Variants in AGBL4 observed in about 807,000 individuals in gnomAD.
AGBL4 encodes cytosolic carboxypeptidase 6.
AGBL4 carries 58 observed loss-of-function variants against 66.4 expected under a neutral mutation model. The ratio of observed to expected loss-of-function variants is 0.87; its 90% CI spans 0.71 to 1.09. AGBL4 has a LOEUF of 1.09. AGBL4 is among the 50% of genes least tolerant of loss of function. AGBL4 has a pLI of 0.00. For synonymous variants in AGBL4, 234 were observed against 222.9 expected (o/e 1.05, Z -0.44); for missense variants, 579 against 631.0 (o/e 0.92, Z 0.88).
At chr1:49,855,294 T>A (rs1456815865) in intron 1 of AGBL4, among the ~76,000 whole-genome samples, 13 of 151,756 alleles carry the variant, frequency 8.6e-5, no homozygotes. Flanking sequence ...AAGAGAGAAA[T>A]AAACCCCAAT....
chr1:49,556,083 T>A (rs948479594), intron 3 of AGBL4, among the ~76,000 whole-genome samples: 5 of 152,224 alleles, frequency 3.3e-5, no homozygotes, highest in African/African-American at 1.2e-4. Context: ...TGCACACGTA[T>A]GTTTATTGCG....
intron 3 of AGBL4, among the ~76,000 whole-genome samples, chr1:49,368,477 C>T (rs1340669765): frequency 3.3e-5 from 5 of 152,074 alleles, no homozygotes; most frequent in Non-Finnish European, 7.4e-5. Flanking sequence ...GAGGAAGTTA[C>T]CATTATCATT....
At chr1:49,551,776 T>G (rs1652976052) in intron 3 of AGBL4, among the ~76,000 whole-genome samples, 1 of 152,240 alleles carries the variant, frequency 6.6e-6, no homozygotes, top group African/African-American at 2.4e-5. Flanking sequence ...GTTGGCCTCC[T>G]GCCGGTAGGT....
chr1:48,985,446 C>G (rs1462337063), intron 5 of AGBL4, among the ~76,000 whole-genome samples: 1 of 151,966 alleles, frequency 6.6e-6, no homozygotes, highest in African/African-American at 2.4e-5. Flanking sequence ...AGGAAAGAAC[C>G]ATTTGAAGGA....
At chr1:49,566,370 G>T (rs1415242150) in intron 3 of AGBL4, among the ~76,000 whole-genome samples, 1 of 152,294 alleles carries the variant, frequency 6.6e-6, no homozygotes, top group Middle Eastern at 3.4e-3. Context: ...GAGGAGGAGA[G>T]GCGCTCTGAT....
At chr1:48,909,590 G>A (rs1458123725) in intron 5 of AGBL4, among the ~76,000 whole-genome samples, 1 of 152,148 alleles carries the variant, frequency 6.6e-6, no homozygotes, top group Non-Finnish European at 1.5e-5. Flanking sequence ...CATAAGCAGG[G>A]ACTAAATTTT....
At chr1:48,765,299 AATGAGTAT>A (rs1644476258) in intron 6 of AGBL4, among the ~76,000 whole-genome samples, 1 of 152,250 alleles carries the variant, frequency 6.6e-6, no homozygotes, top group Non-Finnish European at 1.5e-5. Context: ...AGGCTACACC[AATGAGTAT>A]ATGAAAGGAG....
At chr1:49,347,677 G>A (rs1645661892) in intron 3 of AGBL4, among the ~76,000 whole-genome samples, 1 of 151,614 alleles carries the variant, frequency 6.6e-6, no homozygotes, top group Non-Finnish European at 1.5e-5. Flanking sequence ...GGCCAACATG[G>A]TGAAGCCCTG....
chr1:48,904,152 G>A (rs1039179226), intron 5 of AGBL4, among the ~76,000 whole-genome samples: 9 of 152,132 alleles, frequency 5.9e-5, no homozygotes, highest in South Asian at 2.1e-4. Context: ...AGTGGTGGGC[G>A]CCTGTAATCC....
At chr1:49,290,491 A>G (rs1285467626) in intron 3 of AGBL4, among the ~76,000 whole-genome samples, 1 of 152,078 alleles carries the variant, frequency 6.6e-6, no homozygotes, top group African/African-American at 2.4e-5. Context: ...AGAGAAATAT[A>G]CTCTGCTTAC....
chr1:48,746,925 A>C (rs781248707), intron 6 of AGBL4, among the ~76,000 whole-genome samples: 1 of 152,234 alleles, frequency 6.6e-6, no homozygotes, highest in Non-Finnish European at 1.5e-5. Context: ...AAGAAAAGGA[A>C]CAAAAAAAGC....
intron 1 of AGBL4, among the ~76,000 whole-genome samples, chr1:49,963,449 G>A (rs995991304): frequency 1.3e-4 from 20 of 152,240 alleles, no homozygotes; most frequent in African/African-American, 4.6e-4. Context: ...TTAACATGAT[G>A]CTAAGGCAAT....
chr1:48,690,490 T>C (rs767137166), intron 6 of AGBL4, among the ~76,000 whole-genome samples: 27 of 152,242 alleles, frequency 1.8e-4, no homozygotes, highest in Non-Finnish European at 4.0e-4. Context: ...GGAGAACAAG[T>C]GTTCAAGCCC....
intron 11 of AGBL4, among the ~76,000 whole-genome samples, chr1:48,545,113 C>G (rs1239399864): frequency 1.3e-5 from 2 of 152,116 alleles, no homozygotes; most frequent in African/African-American, 4.8e-5. Context: ...AAGAGAGAAG[C>G]CTGATCCCTT....
At chr1:48,730,130 G>GT (rs1480465289) in intron 6 of AGBL4, among the ~76,000 whole-genome samples, 3 of 152,094 alleles carry the variant, frequency 2.0e-5, no homozygotes, top group Non-Finnish European at 4.4e-5. Context: ...ACCTGTCTCG[G>GT]TTTTTCTCTC....
At position 48,626,288 on chromosome 1, in the gene AGBL4, CT is replaced by C. The variant is rs201195516; in HGVS notation, c.951+8204del. ...CTCCAGGGCAAGAATCCTTCCTCGC[CT>C]TTAGAAAACACTTTCCACTCACATA... On this transcript the variant is annotated intron_variant, in intron 9 of 13. Transcript: ENST00000371839. Among the ~76,000 whole-genome samples, 1,192 of 152,330 alleles carry C rather than the reference CT, an allele frequency of 7.8e-3. 60 individuals are homozygous for C. Among genetic ancestry groups the C allele is most frequent in the Admixed American group, 0.071 (1,085 of 15,302 alleles).
chr1:49,512,320 C>A (rs916553705), intron 3 of AGBL4, among the ~76,000 whole-genome samples: 2 of 151,990 alleles, frequency 1.3e-5, no homozygotes, highest in Non-Finnish European at 2.9e-5. Flanking sequence ...GCTATTTGAG[C>A]ATCTGCTTTT....
rs141861936 is a variant in AGBL4 at position 48,546,970 on chromosome 1, G to C, written c.1268-7232C>G. On this transcript the variant is annotated intron_variant, in intron 11 of 13. Coordinates refer to ENST00000371839, the MANE Select transcript of AGBL4 (RefSeq NM_032785.4). ...CTGTACCTGCAGATAATGCAGGCGTGGGAAGGCCTCTCTGAGGAGGGGATA... is the reference window on the plus strand; with the variant it reads ...CTGTACCTGCAGATAATGCAGGCGTCGGAAGGCCTCTCTGAGGAGGGGATA... 3.9e-3 allele frequency among the ~76,000 whole-genome samples: 598 copies of C among 152,062 alleles called. 2 individuals are homozygous for C. The highest frequency in any genetic ancestry group is 6.3e-3 in the Non-Finnish European group (428 of 68,006).
At chr1:49,311,712 T>A (rs944833998) in intron 3 of AGBL4, among the ~76,000 whole-genome samples, 7 of 151,962 alleles carry the variant, frequency 4.6e-5, no homozygotes, top group African/African-American at 1.7e-4. Flanking sequence ...CAATAAAAAT[T>A]TCAAAGATAT....
Sources: allele counts gnomAD v4.1 joint callset (sites outside exome capture counted in the v4.1 genomes callset), GRCh38; gene constraint gnomAD v4.1.1; transcripts MANE v1.5; gene names NCBI Gene and HGNC (gene_info 2026-07-23, HGNC 2026-07-21).